The following SLC24A2 variants were observed in gnomAD, a reference collection of about 807,000 sequenced individuals.
The protein encoded by SLC24A2 is solute carrier family 24 member 2, also known as sodium/potassium/calcium exchanger 2.
Under a neutral mutation model 62.0 loss-of-function variants are expected in SLC24A2, and 36 were observed. The observed-to-expected ratio is 0.58, with a 90% CI of 0.44 to 0.77. The LOEUF (loss-of-function observed/expected upper bound fraction) is 0.77, where lower values mean the gene tolerates loss of function less well. Among genes scored for constraint, SLC24A2 ranks in the 30% least tolerant of loss-of-function variants. The probability of loss-of-function intolerance (pLI) is 0.00; values close to 1 mark genes in which losing one functional copy is unlikely to be tolerated. For synonymous variants in SLC24A2, 358 were observed against 294.0 expected (o/e 1.22, Z -2.23); for missense variants, 846 against 817.9 (o/e 1.03, Z -0.42).
chr9:20,019,960 A>G, the SLC24A2 span, among the ~76,000 whole-genome samples: 2 of 152,194 alleles, frequency 1.3e-5, no homozygotes, highest in Admixed American at 1.3e-4. Context: ...GCCAACAAAC[A>G]TATGGAAAGA....
the SLC24A2 span, among the ~76,000 whole-genome samples, chr9:20,163,890 C>G: frequency 3.9e-5 from 6 of 152,084 alleles, no homozygotes; most frequent in Non-Finnish European, 8.8e-5. Context: ...GAAAGGATTC[C>G]CTATTTAATA....
rs979823662 is a variant in SLC24A2 at position 19,786,919 on chromosome 9, G to A, written c.-53C>T. ...CTTCCAACTTTAGACTCAACCAGAT[G>A]GTTCTTTCATACTTTTCCTTACTTT... is the stretch of plus-strand genomic sequence containing the variant. On this transcript the variant is annotated 5_prime_UTR_variant, in exon 2 of 11. Coordinates refer to ENST00000341998, the MANE Select transcript of SLC24A2 (RefSeq NM_020344.4). This position sits in a 1 kb window ranked among gnomAD's most constrained non-coding sequence, Gnocchi z 5.0. 7.5e-6 allele frequency: 12 copies of A among 1,593,648 alleles called. No individual in the cohort carries two copies. The highest frequency in any genetic ancestry group is 1.7e-5 in the Admixed American group (1 of 58,394).
At chr9:19,769,717 G>A (rs1183108555) in intron 2 of SLC24A2, among the ~76,000 whole-genome samples, 1 of 152,148 alleles carries the variant, frequency 6.6e-6, no homozygotes, top group East Asian at 1.9e-4. Flanking sequence ...TGGCTGAGTG[G>A]GGATCAGAGC....
intron 7 of SLC24A2, among the ~76,000 whole-genome samples, chr9:19,572,362 C>T (rs984191967): frequency 5.9e-5 from 9 of 152,022 alleles, no homozygotes; most frequent in African/African-American, 2.2e-4. Context: ...TCTGTGTCCC[C>T]ACCCAAATCT....
the SLC24A2 span, among the ~76,000 whole-genome samples, chr9:19,819,275 A>G: frequency 6.6e-6 from 1 of 152,160 alleles, no homozygotes; most frequent in African/African-American, 2.4e-5. Context: ...AAACCCTCCT[A>G]GACATTGGCT....
At chr9:20,160,586 AT>A in the SLC24A2 span, among the ~76,000 whole-genome samples, 15 of 151,358 alleles carry the variant, frequency 9.9e-5, no homozygotes, top group African/African-American at 3.1e-4. Flanking sequence ...AAACTGGTTA[AT>A]TTTTTAACTA....
At chr9:20,177,911 C>A in the SLC24A2 span, among the ~76,000 whole-genome samples, 21 of 152,152 alleles carry the variant, frequency 1.4e-4, no homozygotes, top group African/African-American at 5.1e-4. Flanking sequence ...GCCGAGGGGA[C>A]ACGCTCAGTA....
At chr9:19,700,960 A>T (rs1336219154) in intron 2 of SLC24A2, among the ~76,000 whole-genome samples, 1 of 152,230 alleles carries the variant, frequency 6.6e-6, no homozygotes, top group East Asian at 1.9e-4. Flanking sequence ...CTTTGTACAC[A>T]AATAGATATC....
the SLC24A2 span, among the ~76,000 whole-genome samples, chr9:19,934,702 GAGGAAACGTT>G: frequency 3.9e-4 from 60 of 152,216 alleles, no homozygotes; most frequent in African/African-American, 1.4e-3. The surrounding 1 kb of genome is among the most constrained non-coding windows in gnomAD (Gnocchi z 4.1). Context: ...AGCTTTCCGA[GAGGAAACGTT>G]CCCTACGCTT....
the SLC24A2 span, among the ~76,000 whole-genome samples, chr9:19,804,512 G>T: frequency 1.3e-5 from 2 of 152,032 alleles, no homozygotes; most frequent in Non-Finnish European, 2.9e-5. Flanking sequence ...CTACAAACTT[G>T]CTGAACCTGT....
chr9:20,293,243 A>G, the SLC24A2 span, among the ~76,000 whole-genome samples: 1 of 152,198 alleles, frequency 6.6e-6, no homozygotes, highest in Non-Finnish European at 1.5e-5. Flanking sequence ...ACTTCAACAT[A>G]TCTTTTTAAG....
the SLC24A2 span, among the ~76,000 whole-genome samples, chr9:19,966,980 G>A: frequency 6.6e-6 from 1 of 152,072 alleles, no homozygotes; most frequent in South Asian, 2.1e-4. Flanking sequence ...TTCTAAGGTA[G>A]GTGTTTGATC....
chr9:20,120,333 A>C, the SLC24A2 span, among the ~76,000 whole-genome samples: 4 of 152,176 alleles, frequency 2.6e-5, no homozygotes, highest in East Asian at 7.7e-4. Context: ...GGCCTGGATA[A>C]AGAAAATGTG....
At chr9:20,141,116 T>C in the SLC24A2 span, among the ~76,000 whole-genome samples, 1 of 152,166 alleles carries the variant, frequency 6.6e-6, no homozygotes, top group Non-Finnish European at 1.5e-5. Context: ...GTAGTGGCTG[T>C]GTAAGCTTGG....
At chr9:19,915,109 C>A in the SLC24A2 span, among the ~76,000 whole-genome samples, 1 of 152,112 alleles carries the variant, frequency 6.6e-6, no homozygotes, top group African/African-American at 2.4e-5. Context: ...CCATCCTCTA[C>A]CTGCCCTTGG....
chr9:19,549,381 C>T (rs1033631251), intron 8 of SLC24A2, among the ~76,000 whole-genome samples: 18 of 152,090 alleles, frequency 1.2e-4, no homozygotes, highest in Non-Finnish European at 2.2e-4. Flanking sequence ...TTGTTTCCTC[C>T]CCCTTTAATC....
At chr9:19,554,206 A>C (rs1834973841) in intron 7 of SLC24A2, among the ~76,000 whole-genome samples, 1 of 152,202 alleles carries the variant, frequency 6.6e-6, no homozygotes, top group Non-Finnish European at 1.5e-5. Flanking sequence ...GCAGCAAGCA[A>C]AGGAGAGAGG....
intron 8 of SLC24A2, among the ~76,000 whole-genome samples, chr9:19,541,000 G>A (rs1156790094): frequency 9.2e-6 from 1 of 108,892 alleles, no homozygotes; most frequent in Non-Finnish European, 1.8e-5. Context: ...GATGGCATCG[G>A]CTCCTGAGGC....
the SLC24A2 span, among the ~76,000 whole-genome samples, chr9:20,019,780 A>G: frequency 6.6e-6 from 1 of 152,138 alleles, no homozygotes; most frequent in African/African-American, 2.4e-5. Context: ...CAGAGTGAAC[A>G]GGCAACCTAC....
Sources: gnomAD v4.1 joint callset for allele counts (sites outside exome capture counted in the v4.1 genomes callset) on GRCh38, gnomAD v4.1.1 for gene constraint, Gnocchi (gnomAD v3.1) non-coding constraint, MANE v1.5 for transcripts, NCBI Gene and HGNC (gene_info 2026-07-23, HGNC 2026-07-21) for gene names.